Variants in COMMD10 observed in about 807,000 individuals in gnomAD.
The protein encoded by COMMD10 is COMM domain-containing protein 10.
A neutral mutation model predicts 28.9 loss-of-function variants in COMMD10; 33 were observed. The observed-to-expected ratio is 1.14, with a 90% CI of 0.87 to 1.53. The LOEUF (loss-of-function observed/expected upper bound fraction) is 1.53, where lower values mean the gene tolerates loss of function less well. Among genes scored for constraint, COMMD10 ranks in the 40% most tolerant of loss-of-function variants. The probability of loss-of-function intolerance (pLI) is 0.00; values close to 1 mark genes in which losing one functional copy is unlikely to be tolerated. For synonymous variants in COMMD10, 110 were observed against 81.7 expected (o/e 1.35, Z -1.87); for missense variants, 310 against 233.4 (o/e 1.33, Z -2.14).
At chr5:116,230,820 C>G (rs1749511402) in intron 5 of COMMD10, among the ~76,000 whole-genome samples, 1 of 152,072 alleles carries the variant, frequency 6.6e-6, no homozygotes, top group African/African-American at 2.4e-5. Flanking sequence ...TTCCTTGAAT[C>G]AGTCCAAATA....
At position 116,286,349 on chromosome 5, in the gene COMMD10, T is replaced by C. The variant is rs979765776; in HGVS notation, c.511-5168T>C. On this transcript the variant is annotated intron_variant, in intron 5 of 6. Transcript: ENST00000274458. ...AATTTTTATATTGTTTTTTGATTTT[T>C]CTATGTCATTTATCTCTGTTGTAAT... is the stretch of plus-strand genomic sequence containing the variant. 2.3e-4 allele frequency among the ~76,000 whole-genome samples: 34 copies of C among 147,612 alleles called. 3 individuals are homozygous for C. The highest frequency in any genetic ancestry group is 8.1e-4 in the African/African-American group (32 of 39,366).
intron 5 of COMMD10, among the ~76,000 whole-genome samples, chr5:116,229,511 A>G (rs1580565875): frequency 6.6e-6 from 1 of 152,158 alleles, no homozygotes; most frequent in East Asian, 1.9e-4. Context: ...GCAATGATTA[A>G]GGGTACTGTT....
chr5:116,231,354 A>G (rs1467225579), intron 5 of COMMD10, among the ~76,000 whole-genome samples: 1 of 152,162 alleles, frequency 6.6e-6, no homozygotes, highest in East Asian at 1.9e-4. Flanking sequence ...TTATAAAAGT[A>G]TGCAATACTA....
At chr5:116,282,831 C>G (rs953146273) in intron 5 of COMMD10, among the ~76,000 whole-genome samples, 5 of 151,868 alleles carry the variant, frequency 3.3e-5, no homozygotes, top group African/African-American at 1.2e-4. Flanking sequence ...AGCTCTGTCT[C>G]CAAACAAAGT....
chr5:116,271,898 G>T (rs535082096), intron 5 of COMMD10, among the ~76,000 whole-genome samples: 2 of 151,300 alleles, frequency 1.3e-5, no homozygotes, highest in East Asian at 1.9e-4. Context: ...TTATCTTTTC[G>T]TAACCACCAA....
At chr5:116,119,736 C>T (rs574111018) in intron 4 of COMMD10, among the ~76,000 whole-genome samples, 14 of 152,144 alleles carry the variant, frequency 9.2e-5, no homozygotes, top group African/African-American at 3.1e-4. Flanking sequence ...CTCAGCTTCC[C>T]AAGTAACTAG....
intron 5 of COMMD10, among the ~76,000 whole-genome samples, chr5:116,169,277 A>G (rs1298129467): frequency 6.6e-6 from 1 of 152,136 alleles, no homozygotes; most frequent in Non-Finnish European, 1.5e-5. Context: ...GTACACATAC[A>G]CCTCCCAAGA....
chr5:116,241,940 A>G (rs1216685148), intron 5 of COMMD10, among the ~76,000 whole-genome samples: 1 of 152,140 alleles, frequency 6.6e-6, no homozygotes, highest in African/African-American at 2.4e-5. Flanking sequence ...GTTAGCCTGA[A>G]TAAATTTAAC....
chr5:116,194,751 T>C (rs1206486410), intron 5 of COMMD10, among the ~76,000 whole-genome samples: 1 of 152,088 alleles, frequency 6.6e-6, no homozygotes, highest in African/African-American at 2.4e-5. Context: ...TTCAAAGAAT[T>C]GGTACCAATC....
intron 5 of COMMD10, among the ~76,000 whole-genome samples, chr5:116,150,204 C>A (rs1411074403): frequency 6.6e-6 from 1 of 152,094 alleles, no homozygotes; most frequent in African/African-American, 2.4e-5. Context: ...CTGTTCTGTT[C>A]CATTGATCTA....
chr5:116,103,404 T>C (rs181642232), intron 4 of COMMD10, among the ~76,000 whole-genome samples: 11 of 152,366 alleles, frequency 7.2e-5, no homozygotes, highest in African/African-American at 2.4e-4. Flanking sequence ...TTGATTTGCA[T>C]TTCTCTAATG....
intron 5 of COMMD10, among the ~76,000 whole-genome samples, chr5:116,245,654 G>T (rs921040683): frequency 6.6e-6 from 1 of 152,082 alleles, no homozygotes; most frequent in Non-Finnish European, 1.5e-5. Context: ...CATCAAGTAG[G>T]CTTTATCCCT....
rs113977237 is a variant in COMMD10 at position 116,195,978 on chromosome 5, T to A, written c.510+61800T>A. Among the ~76,000 whole-genome samples the A allele has an allele frequency of 2.0e-3, 301 of 152,312 alleles. 3 individuals are homozygous for A. The highest frequency in any genetic ancestry group is 6.8e-3 in the African/African-American group (283 of 41,552). The stretch of plus-strand genomic sequence containing the variant: ...CAGTGATCAGGAAACACGTCTACAC[T>A]GCTGGTGGGAATGTAAACTAGTACA... On this transcript the variant is annotated intron_variant, in intron 5 of 6. Coordinates refer to ENST00000274458, the MANE Select transcript of COMMD10 (RefSeq NM_016144.4).
At chr5:116,232,555 G>T (rs1324298101) in intron 5 of COMMD10, among the ~76,000 whole-genome samples, 1 of 151,956 alleles carries the variant, frequency 6.6e-6, no homozygotes, top group Non-Finnish European at 1.5e-5. Context: ...ACAAAAATTA[G>T]CTGGACGTGG....
chr5:116,179,772 G>A (rs1017473460), intron 5 of COMMD10, among the ~76,000 whole-genome samples: 1 of 152,002 alleles, frequency 6.6e-6, no homozygotes, highest in Non-Finnish European at 1.5e-5. Context: ...TTTATCAACT[G>A]GAAGGTCAGT....
chr5:116,098,565 A>C (rs1205419606), intron 4 of COMMD10, among the ~76,000 whole-genome samples: 1 of 152,230 alleles, frequency 6.6e-6, no homozygotes, highest in Non-Finnish European at 1.5e-5. Flanking sequence ...ATTAGTTATT[A>C]TAAATAATCT....
At chr5:116,267,648 A>G (rs1200426840) in intron 5 of COMMD10, among the ~76,000 whole-genome samples, 2 of 151,932 alleles carry the variant, frequency 1.3e-5, no homozygotes, top group East Asian at 3.9e-4. Flanking sequence ...CAAGACAATC[A>G]TAAGCCAAAA....
intron 5 of COMMD10, among the ~76,000 whole-genome samples, chr5:116,181,309 T>A (rs180722719): frequency 4.0e-4 from 60 of 149,262 alleles, no homozygotes; most frequent in African/African-American, 1.3e-3. Context: ...ATGCTGAAAT[T>A]TATGCTTTTG....
rs1372339351 is a variant in COMMD10, at chr5:116,231,969, AC to A, written c.511-59543del. On this transcript the variant is annotated intron_variant, in intron 5 of 6. Coordinates refer to ENST00000274458, the MANE Select transcript of COMMD10 (RefSeq NM_016144.4). ...TCTGAACTGAATGATACTACTTCTC[AC>A]CCCCTCCATGGCAAAGGGGTCATCT... Among the ~76,000 whole-genome samples the A allele has an allele frequency of 4.6e-5, 7 of 152,048 alleles. No individual in the cohort carries two copies. The East Asian group carries it at 1.4e-3, about 29-fold the overall frequency.
Sources: gnomAD v4.1 joint callset for allele counts (sites outside exome capture counted in the v4.1 genomes callset) on GRCh38, gnomAD v4.1.1 for gene constraint, MANE v1.5 for transcripts, NCBI Gene and HGNC (gene_info 2026-07-23, HGNC 2026-07-21) for gene names.